Variants in DOCK8 observed in about 807,000 individuals in gnomAD.
The protein encoded by DOCK8 is dedicator of cytokinesis protein 8.
In DOCK8, 141 loss-of-function variants were observed where a neutral mutation model predicts 245.6. The ratio of observed to expected loss-of-function variants is 0.57; its 90% CI spans 0.50 to 0.66. The LOEUF (loss-of-function observed/expected upper bound fraction) is 0.66, where lower values mean the gene tolerates loss of function less well. Ranked by LOEUF, DOCK8 falls within the 30% of genes least tolerant of loss-of-function variation. DOCK8 has a pLI of 0.00. For synonymous variants in DOCK8, 1,168 were observed against 970.2 expected (o/e 1.20, Z -3.79); for missense variants, 2,965 against 2,603.4 (o/e 1.14, Z -3.02).
chr9:276,866 T>C (rs2048365950), intron 2 of DOCK8: 1 of 186,548 alleles, frequency 5.4e-6, no homozygotes, highest in Non-Finnish European at 1.2e-5. Context: ...TGGAGTGCAG[T>C]GGTACAATCT....
At chr9:238,880 C>T (rs557814472) in intron 1 of DOCK8, among the ~76,000 whole-genome samples, 40 of 152,286 alleles carry the variant, frequency 2.6e-4, no homozygotes, top group African/African-American at 9.4e-4. Context: ...GAGTCTATCC[C>T]AGCCGTCCAG....
At chr9:218,276 GT>G (rs2046807857) in intron 1 of DOCK8, among the ~76,000 whole-genome samples, 1 of 152,144 alleles carries the variant, frequency 6.6e-6, no homozygotes, top group Non-Finnish European at 1.5e-5. Context: ...TAAAACCAGT[GT>G]GCTTCCTGTT....
chr9:272,598 G>A (rs1826041861), intron 2 of DOCK8, among the ~76,000 whole-genome samples: 1 of 152,066 alleles, frequency 6.6e-6, no homozygotes, highest in Non-Finnish European at 1.5e-5. Context: ...TGTTGCCCAG[G>A]CTGGTCTTGA....
chr9:295,276 G>A (rs1043413385), intron 4 of DOCK8, among the ~76,000 whole-genome samples: 14 of 152,154 alleles, frequency 9.2e-5, no homozygotes, highest in African/African-American at 3.4e-4. Context: ...GGTTCCCAGG[G>A]TCTGGGAGTG....
intron 14 of DOCK8, among the ~76,000 whole-genome samples, chr9:356,944 C>T (rs1220250418): frequency 1.3e-5 from 2 of 152,096 alleles, no homozygotes; most frequent in East Asian, 1.9e-4. Context: ...TAGGTTTCCC[C>T]AGCAGATTTC....
chr9:354,557 G>T (rs1183318949), intron 14 of DOCK8, among the ~76,000 whole-genome samples: 1 of 152,216 alleles, frequency 6.6e-6, no homozygotes, highest in East Asian at 1.9e-4. Flanking sequence ...CGCAGGTGCA[G>T]CTGACCTGCT....
intron 5 of DOCK8, among the ~76,000 whole-genome samples, chr9:311,300 G>A (rs542092560): frequency 7.3e-6 from 1 of 136,472 alleles, no homozygotes; most frequent in Admixed American, 7.7e-5. Flanking sequence ...AAAAAAAAAA[G>A]GTAATCATAC....
intron 44 of DOCK8, among the ~76,000 whole-genome samples, chr9:447,210 A>G (rs910648954): frequency 2.0e-5 from 3 of 152,262 alleles, no homozygotes; most frequent in Non-Finnish European, 2.9e-5. Flanking sequence ...TATTAATAAA[A>G]GGACTGGTCA....
At position 288,394 on chromosome 9, in the gene DOCK8, G is replaced by T. The variant is rs190550655; in HGVS notation, c.333-1116G>T. Reference sequence around the variant, plus strand: ...TCAGGTCCCTGCTCCACCACTTGCTGTGTGACTTGGAACAAGATCCTTACC... The same window carrying T: ...TCAGGTCCCTGCTCCACCACTTGCTTTGTGACTTGGAACAAGATCCTTACC... On this transcript the variant is annotated intron_variant, in intron 3 of 47. Transcript: ENST00000432829. 3.9e-5 allele frequency among the ~76,000 whole-genome samples: 6 copies of T among 152,300 alleles called. No individual in the cohort carries two copies. In the East Asian group the frequency reaches 9.6e-4, roughly 24 times the overall value.
intron 1 of DOCK8, among the ~76,000 whole-genome samples, chr9:220,134 G>A (rs1295338739): frequency 6.6e-6 from 1 of 152,196 alleles, no homozygotes; most frequent in Admixed American, 6.5e-5. Context: ...TTTGTCTGAT[G>A]TGTTCTAGAC....
chr9:372,739 G>C (rs2053350689), intron 18 of DOCK8, among the ~76,000 whole-genome samples: 1 of 152,098 alleles, frequency 6.6e-6, no homozygotes, highest in African/African-American at 2.4e-5. Context: ...CCCACTTCCT[G>C]TTTCTGGCAC....
intron 1 of DOCK8, among the ~76,000 whole-genome samples, chr9:248,997 A>G (rs1399548943): frequency 1.3e-5 from 2 of 152,194 alleles, no homozygotes; most frequent in Non-Finnish European, 2.9e-5. Context: ...TGCCTCCACC[A>G]CAGACAGGTA....
intron 21 of DOCK8, among the ~76,000 whole-genome samples, chr9:381,682 G>A (rs1251422815): frequency 6.6e-6 from 1 of 152,166 alleles, no homozygotes; most frequent in East Asian, 1.9e-4. Flanking sequence ...GTGGCTGGGT[G>A]CGGTGGTTCA....
rs1245429830 is a variant in DOCK8 at position 390,559 on chromosome 9, A to G, written c.2963A>G (p.Glu988Gly). ...TTCAAGTATGCCTGGTTCTTCTTTG[A>G]GCTTCTGGTGAGATTCTTGCGCGTT... ...TVFKYAWFFF[E>G]LLVKSMAQHV... The change falls in exon 24 of 48, where the codon GAG becomes GGG. Residue 988 changes from glutamate to glycine, a missense_variant. Around this residue, in one of 3 missense-constraint regions of DOCK8, gnomAD observed 2,825 missense variants for 2,453.5 expected, o/e 1.15. Coordinates refer to ENST00000432829, the MANE Select transcript of DOCK8 (RefSeq NM_203447.4). The G allele has an allele frequency of 6.8e-6, 11 of 1,613,908 alleles. No homozygotes were observed. The Middle Eastern group carries it at 4.9e-4, about 72-fold the overall frequency.
intron 5 of DOCK8, among the ~76,000 whole-genome samples, chr9:311,300 G>T (rs542092560): frequency 7.3e-6 from 1 of 136,410 alleles, no homozygotes; most frequent in Non-Finnish European, 1.6e-5. Flanking sequence ...AAAAAAAAAA[G>T]GTAATCATAC....
intron 5 of DOCK8, among the ~76,000 whole-genome samples, chr9:309,662 G>T (rs995686969): frequency 6.6e-6 from 1 of 152,134 alleles, no homozygotes. Context: ...AGCTTGAATA[G>T]CAAATTTTTT....
chr9:431,048 G>T (rs1264404695), intron 36 of DOCK8, among the ~76,000 whole-genome samples: 6 of 141,600 alleles, frequency 4.2e-5, no homozygotes, highest in Non-Finnish European at 9.4e-5. Context: ...AATTTTTTTT[G>T]CATTTTTGTT....
chr9:411,843 A>G (rs2055746455), intron 28 of DOCK8, among the ~76,000 whole-genome samples: 1 of 152,236 alleles, frequency 6.6e-6, no homozygotes, highest in Non-Finnish European at 1.5e-5. Flanking sequence ...CCATACAATC[A>G]TCTTAGTAGA....
rs1371113338 is a variant in DOCK8 at position 383,308 on chromosome 9, G to T, written c.2778+623G>T. ...TCAGCACTTTGGGAGGCCGAGGTGG[G>T]TGGATCACAAGGTCAGGAGTTCGAG... On this transcript the variant is annotated intron_variant, in intron 22 of 47. Coordinates refer to ENST00000432829, the MANE Select transcript of DOCK8 (RefSeq NM_203447.4). Among the ~76,000 whole-genome samples, 4 of 152,270 alleles carry T rather than the reference G, an allele frequency of 2.6e-5. 1 individual carries two copies. In the East Asian group the frequency reaches 7.7e-4, roughly 29 times the overall value.
Sources: allele counts gnomAD v4.1 joint callset (sites outside exome capture counted in the v4.1 genomes callset), GRCh38; gene constraint gnomAD v4.1.1; regional missense constraint gnomAD v4.1.1; transcripts MANE v1.5; gene names NCBI Gene and HGNC (gene_info 2026-07-23, HGNC 2026-07-21).